Variants in OVOL2 observed in about 807,000 individuals in gnomAD.
The protein encoded by OVOL2 is transcription factor Ovo-like 2.
A neutral mutation model predicts 18.1 loss-of-function variants in OVOL2; 13 were observed. The ratio of observed to expected loss-of-function variants is 0.72; its 90% CI spans 0.47 to 1.14. The LOEUF is 1.14. OVOL2 is among the 50% of genes most tolerant of loss of function. OVOL2 has a pLI of 0.00. For missense variants in OVOL2, 335 were observed against 383.0 expected (o/e 0.87, Z 1.05); for synonymous variants, 166 against 162.7 (o/e 1.02, Z -0.16).
At chr20:18,048,681 C>G (rs1027523419) in intron 2 of OVOL2, among the ~76,000 whole-genome samples, 1 of 152,108 alleles carries the variant, frequency 6.6e-6, no homozygotes, top group African/African-American at 2.4e-5. Flanking sequence ...CATTCCAGCC[C>G]GAGTGACAGA....
chr20:18,051,896 C>T (rs1035149314), intron 2 of OVOL2, among the ~76,000 whole-genome samples: 5 of 152,128 alleles, frequency 3.3e-5, no homozygotes, highest in Non-Finnish European at 5.9e-5. Context: ...CCAAGCCCTA[C>T]TAATTTTTTT....
intron 2 of OVOL2, among the ~76,000 whole-genome samples, chr20:18,047,853 CAA>C (rs34668253): frequency 3.3e-3 from 154 of 47,124 alleles, no homozygotes; most frequent in Non-Finnish European, 5.1e-3. Context: ...GACTCCGTCT[CAA>C]AAAAAAAAAA....
Position 18,057,510 on chromosome 20 carries a change from A to G in OVOL2, c.100+25T>C. The G allele has an allele frequency of 7.1e-7, 1 of 1,409,376 alleles. No individual in the cohort carries two copies. The highest frequency in any genetic ancestry group is 3.2e-5 in the East Asian group (1 of 31,560). The allele number at this position is 1,409,376 out of a possible 1,614,324, so 87.3% of individuals were successfully genotyped here. On this transcript the variant is annotated intron_variant, in intron 1 of 3. Transcript: ENST00000278780. The surrounding 1 kb of genome is among the most constrained non-coding windows in gnomAD (Gnocchi z 6.3). Reference sequence around the variant, plus strand: ...CCCCCACCCCGGGAGCCCAGCGCCCAGGCCCGGCCCCCGCGCGCGCTCACC... The same window carrying G: ...CCCCCACCCCGGGAGCCCAGCGCCCGGGCCCGGCCCCCGCGCGCGCTCACC...
chr20:18,044,817 A>T (rs1327910706), intron 2 of OVOL2, among the ~76,000 whole-genome samples: 1 of 152,184 alleles, frequency 6.6e-6, no homozygotes, highest in Non-Finnish European at 1.5e-5. Context: ...AAAGGGGTGC[A>T]CAGCAAAGAA....
At position 18,057,834 on chromosome 20, in the gene OVOL2, G is replaced by A; in HGVS notation, c.-200C>T. ...GCGACTCCCAGCCTCCCGGCTCGGC[G>A]ACACCTATGCCTTAAATCGCGAGTG... On this transcript the variant is annotated 5_prime_UTR_variant, in exon 1 of 4. Coordinates refer to ENST00000278780, the MANE Select transcript of OVOL2 (RefSeq NM_021220.4). The surrounding 1 kb of genome is among the most constrained non-coding windows in gnomAD (Gnocchi z 6.3). 2 of 1,365,384 alleles carry A rather than the reference G, an allele frequency of 1.5e-6. No homozygotes were observed. Among genetic ancestry groups the A allele is most frequent in the Non-Finnish European group, 1.9e-6 (2 of 1,066,688 alleles). The allele number at this position is 1,365,384 out of a possible 1,614,324, so 84.6% of individuals were successfully genotyped here.
chr20:18,027,627 G>A (rs906611570), intron 3 of OVOL2, among the ~76,000 whole-genome samples: 4 of 151,688 alleles, frequency 2.6e-5, no homozygotes, highest in African/African-American at 7.3e-5. Context: ...ACTGAGACTC[G>A]CTCTGTCGCC....
At chr20:18,031,535 C>T (rs2122693597) in intron 3 of OVOL2, among the ~76,000 whole-genome samples, 1 of 152,224 alleles carries the variant, frequency 6.6e-6, no homozygotes, top group East Asian at 1.9e-4. Flanking sequence ...TGAGATGGCG[C>T]CACTGCACTC....
At chr20:18,041,408 A>C in intron 3 of OVOL2, 126 bp downstream of exon 3, 1 of 1,175,272 alleles carries the variant, frequency 8.5e-7, no homozygotes, top group Non-Finnish European at 1.2e-6. Context: ...CGTGATCCGC[A>C]TCTTGTGATC....
At chr20:18,030,741 A>T (rs531673075) in intron 3 of OVOL2, among the ~76,000 whole-genome samples, 1 of 152,324 alleles carries the variant, frequency 6.6e-6, no homozygotes, top group South Asian at 2.1e-4. Flanking sequence ...GATGGAAAGG[A>T]GACATAGGCC....
chr20:18,027,550 A>G (rs1196480517), intron 3 of OVOL2, among the ~76,000 whole-genome samples: 1 of 151,944 alleles, frequency 6.6e-6, no homozygotes, highest in East Asian at 1.9e-4. Flanking sequence ...AAATAAGTAA[A>G]TAAATAAATA....
chr20:18,028,080 C>T (rs554841048), intron 3 of OVOL2, among the ~76,000 whole-genome samples: 5 of 152,280 alleles, frequency 3.3e-5, no homozygotes, highest in African/African-American at 4.8e-5. Flanking sequence ...TGGAGAAACC[C>T]GCAGACCCTG....
At chr20:18,045,370 T>C (rs1470426488) in intron 2 of OVOL2, among the ~76,000 whole-genome samples, 1 of 152,224 alleles carries the variant, frequency 6.6e-6, no homozygotes, top group Non-Finnish European at 1.5e-5. Flanking sequence ...TTTGAAAGTC[T>C]TGCAGAATGT....
chr20:18,035,497 T>G (rs572155139), intron 3 of OVOL2, among the ~76,000 whole-genome samples: 3 of 152,284 alleles, frequency 2.0e-5, no homozygotes, highest in East Asian at 1.9e-4. Context: ...TAAGACCAAA[T>G]TCCCACTGAA....
chr20:18,029,697 G>C (rs1161359487), intron 3 of OVOL2, among the ~76,000 whole-genome samples: 1 of 152,104 alleles, frequency 6.6e-6, no homozygotes, highest in Non-Finnish European at 1.5e-5. Context: ...AACTATTCTA[G>C]GATGGGTGCA....
intron 3 of OVOL2, among the ~76,000 whole-genome samples, chr20:18,036,776 C>G (rs80256667): frequency 0.12 from 18,316 of 152,020 alleles, 1,205 homozygotes; most frequent in Middle Eastern, 0.16. Context: ...GAAGTGTGCA[C>G]TTTGTGCTAC....
chr20:18,024,854 A>G lies in OVOL2; in HGVS notation c.610T>C (p.Tyr204His). Residue 204 changes from tyrosine to histidine, a missense_variant, in exon 4 of 4, where the codon TAT (tyrosine) becomes CAT (histidine). Tyr to His is a moderately conservative substitution (Grantham distance 83). Transcript: ENST00000278780. ...TTGTCCCGCCGCTGCTTATAGGCAT[A>G]CTGCTGCTGCACCCCATGGATTTTC... ...LKKIHGVQQQYAYKQRRDKLY... is the reference protein window; with the variant it reads ...LKKIHGVQQQHAYKQRRDKLY... 1 of 1,614,198 alleles carries G rather than the reference A, an allele frequency of 6.2e-7. No homozygotes were observed. Among genetic ancestry groups the G allele is most frequent in the East Asian group, 2.2e-5 (1 of 44,888 alleles).
Position 18,056,977 on chromosome 20 carries a change from G to A in OVOL2, c.101-100C>T. ...GGCGGTGCTGCCGCCGCCCCGCCCC[G>A]GACCTGGGCACCTCGCCAAGTGGGC... On this transcript the variant is annotated intron_variant, in intron 1 of 3. Transcript: ENST00000278780. This position sits in a 1 kb window ranked among gnomAD's most constrained non-coding sequence, Gnocchi z 4.2. 1 of 1,324,408 alleles carries A rather than the reference G, an allele frequency of 7.6e-7. No homozygotes were observed. The highest frequency in any genetic ancestry group is 9.7e-7 in the Non-Finnish European group (1 of 1,029,536). The allele number at this position is 1,324,408 out of a possible 1,614,324, so 82.0% of individuals were successfully genotyped here.
At chr20:18,058,456 C>G (rs1263195533), upstream of OVOL2, among the ~76,000 whole-genome samples, 1 of 144,804 alleles carries the variant, frequency 6.9e-6, no homozygotes, top group Non-Finnish European at 1.5e-5. Context: ...CATCTTTAGA[C>G]CACGTTATTT....
chr20:18,026,626 C>T (rs1239246729), intron 3 of OVOL2, among the ~76,000 whole-genome samples: 4 of 152,240 alleles, frequency 2.6e-5, no homozygotes, highest in East Asian at 1.9e-4. Context: ...TGTGATCTGC[C>T]CCCCTCGGCC....
Sources: gnomAD v4.1 joint callset for allele counts (sites outside exome capture counted in the v4.1 genomes callset) on GRCh38, gnomAD v4.1.1 for gene constraint, Gnocchi (gnomAD v3.1) non-coding constraint, MANE v1.5 for transcripts, NCBI Gene and HGNC (gene_info 2026-07-23, HGNC 2026-07-21) for gene names.